VASP: variants seen among roughly 807,000 people sequenced by gnomAD.
The protein encoded by VASP is vasodilator stimulated phosphoprotein.
VASP carries 27 observed loss-of-function variants against 54.4 expected under a neutral mutation model. The ratio of observed to expected loss-of-function variants is 0.50; its 90% CI spans 0.37 to 0.68. The LOEUF (loss-of-function observed/expected upper bound fraction) is 0.68. VASP is among the 30% of genes least tolerant of loss of function. VASP has a pLI of 0.00. For synonymous variants in VASP, 233 were observed against 209.8 expected (o/e 1.11, Z -0.96); for missense variants, 488 against 528.3 (o/e 0.92, Z 0.75).
chr19:45,526,202 T>C lies in VASP; in HGVS notation c.*25T>C. On this transcript the variant is annotated 3_prime_UTR_variant, in exon 13 of 13. Transcript: ENST00000245932. ...ACCACAGGGACCCAGAAGACCCGCT[T>C]CTCCTTTCCGCACACCCGGCCTGTC... is the stretch of plus-strand genomic sequence containing the variant. 4 of 1,594,988 alleles carry C rather than the reference T, an allele frequency of 2.5e-6. No individual in the cohort carries two copies. The highest frequency in any genetic ancestry group is 2.6e-6 in the Non-Finnish European group (3 of 1,175,156).
chr19:45,524,910 C>G (rs967679034), intron 11 of VASP: 6 of 395,574 alleles, frequency 1.5e-5, no homozygotes, highest in African/African-American at 1.2e-4. Context: ...GCACATTGAC[C>G]CAGCTGTCCA....
Position 45,524,077 on chromosome 19 carries a change from G to C in VASP, c.911-20G>C. 1 of 1,614,050 alleles carries C rather than the reference G, an allele frequency of 6.2e-7. No homozygotes were observed. Among genetic ancestry groups the C allele is most frequent in the African/African-American group, 1.3e-5 (1 of 75,002 alleles). On this transcript the variant is annotated intron_variant, in intron 9 of 12. Coordinates refer to ENST00000245932, the MANE Select transcript of VASP (RefSeq NM_003370.4). ...GCAGTCTTTTGTCCCTGATCTTTCT[G>C]ATTTCTTGCCTATCCCCAGAATCTG...
intron 11 of VASP, 177 bp from the exon 12 acceptor site, chr19:45,525,769 T>G (rs1968948301): frequency 3.5e-6 from 2 of 578,944 alleles, no homozygotes; most frequent in East Asian, 6.3e-5. Context: ...CTTGGGAGGC[T>G]AAGGCAGGAG....
chr19:45,514,924 G>C (rs1280572122), intron 1 of VASP, among the ~76,000 whole-genome samples: 3 of 152,188 alleles, frequency 2.0e-5, no homozygotes, highest in Non-Finnish European at 2.9e-5. Flanking sequence ...CTGTGTGACT[G>C]TGGGCAAGTC....
At chr19:45,518,803 T>C (rs1210015557) in intron 3 of VASP, among the ~76,000 whole-genome samples, 1 of 152,094 alleles carries the variant, frequency 6.6e-6, no homozygotes, top group East Asian at 1.9e-4. Context: ...TAGCTGGGAA[T>C]ACAGGTGTGC....
intron 3 of VASP, among the ~76,000 whole-genome samples, chr19:45,519,677 G>A (rs1453263709): frequency 1.4e-5 from 2 of 144,256 alleles, no homozygotes; most frequent in African/African-American, 5.1e-5. Context: ...CTCGCTGCAA[G>A]CTCTGCCTCC....
chr19:45,524,295 A>AG (rs1288901186), intron 10 of VASP, 153 bp downstream of exon 10: 4 of 882,948 alleles, frequency 4.5e-6, no homozygotes, highest in Non-Finnish European at 5.4e-6. Context: ...CCAGCTACTC[A>AG]GGAGGCTGAG....
chr19:45,519,463 T>C (rs1033000232), intron 3 of VASP, among the ~76,000 whole-genome samples: 14 of 151,442 alleles, frequency 9.2e-5, no homozygotes, highest in African/African-American at 3.4e-4. Flanking sequence ...ATTTCAAATT[T>C]TTTTTTTTTT....
In VASP at chr19:45,522,564, C is replaced by A; in HGVS notation, c.703C>A (p.Leu235Ile). The A allele has an allele frequency of 6.8e-7, 1 of 1,462,650 alleles. No individual in the cohort carries two copies. The highest frequency in any genetic ancestry group is 2.8e-5 in the Admixed American group (1 of 36,218). The allele number at this position is 1,462,650 out of a possible 1,614,324, so 90.6% of individuals were successfully genotyped here. A position where few individuals can be genotyped will look rare whatever the true frequency, so the allele number is the denominator to read the frequency against. The change falls in exon 6 of 13, where the codon CTC (leucine) becomes ATC (isoleucine). Residue 235 changes from leucine (L) to isoleucine (I), a missense_variant. Around this residue, in one of 4 missense-constraint regions of VASP, gnomAD observed 226 missense variants for 196.0 expected, o/e 1.15. Coordinates refer to ENST00000245932, the MANE Select transcript of VASP (RefSeq NM_003370.4). The stretch of plus-strand genomic sequence containing the variant: ...GGCCGCAGCTATTGCTGGAGCCAAA[C>A]TCAGGAAAGTCAGCAAGGTGAGGGG... ...GLAAAIAGAKLRKVSKQEEAS... is the reference protein window; with the variant it reads ...GLAAAIAGAKIRKVSKQEEAS...
In VASP at chr19:45,518,031, G is replaced by C. The variant is rs529146911; in HGVS notation, c.280G>C (p.Gly94Arg). 1 of 1,613,940 alleles carries C rather than the reference G, an allele frequency of 6.2e-7. No individual in the cohort carries two copies. Among genetic ancestry groups the C allele is most frequent in the Non-Finnish European group, 8.5e-7 (1 of 1,180,010 alleles). Reference sequence around the variant, plus strand: ...TCGCCAGGTCTGGGGCCTCAACTTCGGCAGCAAGGAGGATGCGGCCCAGTT... The same window carrying C: ...TCGCCAGGTCTGGGGCCTCAACTTCCGCAGCAAGGAGGATGCGGCCCAGTT... ...DARQVWGLNF[G>R]SKEDAAQFAA... Residue 94 changes from glycine (G) to arginine (R), a missense_variant, in exon 3 of 13, where the codon GGC becomes CGC. Coordinates refer to ENST00000245932, the MANE Select transcript of VASP (RefSeq NM_003370.4).
In VASP at chr19:45,522,726, G is replaced by A; in HGVS notation, c.729G>A (p.Glu243=). The A allele has an allele frequency of 6.2e-7, 1 of 1,602,696 alleles. No homozygotes were observed. Among genetic ancestry groups the A allele is most frequent in the South Asian group, 1.1e-5 (1 of 89,726 alleles). ...CTTTTAAATTTCTCCAGCAGGAGGA[G>A]GCCTCAGGGGGGCCCACAGCCCCCA... is the stretch of plus-strand genomic sequence containing the variant. ...AKLRKVSKQE[E]ASGGPTAPKA... The change falls in exon 7 of 13, where the codon GAG becomes GAA. Residue 243 remains glutamate, a synonymous_variant. Transcript: ENST00000245932.
At chr19:45,512,749 G>A (rs1483509605) in intron 1 of VASP, among the ~76,000 whole-genome samples, 3 of 151,964 alleles carry the variant, frequency 2.0e-5, no homozygotes, top group South Asian at 2.1e-4. Context: ...ACAGGCGCCC[G>A]CCACCACGCC....
At chr19:45,512,586 C>A (rs1968621655) in intron 1 of VASP, among the ~76,000 whole-genome samples, 1 of 148,556 alleles carries the variant, frequency 6.7e-6, no homozygotes, top group African/African-American at 2.5e-5. Context: ...CTGCGCCTAG[C>A]CTACCTTTTT....
intron 11 of VASP, among the ~76,000 whole-genome samples, chr19:45,525,595 G>A (rs111655055): frequency 0.083 from 12,587 of 152,182 alleles, 844 homozygotes; most frequent in East Asian, 0.21. Flanking sequence ...TTATTTGGGC[G>A]GCTGAGGCAG....
At chr19:45,523,364 G>A (rs939333272) in intron 7 of VASP, among the ~76,000 whole-genome samples, 2 of 151,420 alleles carry the variant, frequency 1.3e-5, no homozygotes, top group African/African-American at 2.4e-5. Context: ...CACCACACCC[G>A]GCTAATTTTT....
intron 1 of VASP, among the ~76,000 whole-genome samples, chr19:45,514,856 TTCCCGG>T (rs1968671886): frequency 6.6e-6 from 1 of 152,184 alleles, no homozygotes; most frequent in Non-Finnish European, 1.5e-5. Flanking sequence ...GCCCACACAG[TTCCCGG>T]TGGTTAAGGC....
chr19:45,521,467 C>T, intron 4 of VASP, 61 bp downstream of exon 4: 3 of 1,391,158 alleles, frequency 2.2e-6, no homozygotes, highest in Non-Finnish European at 2.9e-6. Context: ...TGTTCTGGAA[C>T]CCTTGACTCC....
chr19:45,511,542 C>T (rs979620500), intron 1 of VASP, among the ~76,000 whole-genome samples: 4 of 152,068 alleles, frequency 2.6e-5, no homozygotes, highest in African/African-American at 9.7e-5. Flanking sequence ...GGAGTGGGTC[C>T]TGGGCTGGCT....
chr19:45,522,695 C>T, intron 6 of VASP, 23 bp from the exon 7 acceptor site: 1 of 1,604,786 alleles, frequency 6.2e-7, no homozygotes, highest in Admixed American at 1.8e-5. Context: ...CCTAAAGCTC[C>T]TGCCCCTTTT....
Sources: allele counts gnomAD v4.1 joint callset (sites outside exome capture counted in the v4.1 genomes callset), GRCh38; gene constraint gnomAD v4.1.1; regional missense constraint gnomAD v4.1.1; transcripts MANE v1.5; gene names NCBI Gene and HGNC (gene_info 2026-07-23, HGNC 2026-07-21).